TMEM87B: variants seen among roughly 807,000 people sequenced by gnomAD.
TMEM87B encodes transmembrane protein 87B.
In TMEM87B, 83 loss-of-function variants were observed where a neutral mutation model predicts 80.3. The observed-to-expected ratio is 1.03, with a 90% confidence interval of 0.87 to 1.24. The LOEUF is 1.24. Among genes scored for constraint, TMEM87B ranks in the 50% most tolerant of loss-of-function variants. The probability of loss-of-function intolerance (pLI) is 0.00; values close to 1 mark genes in which losing one functional copy is unlikely to be tolerated. For missense variants in TMEM87B, 625 were observed against 674.4 expected (o/e 0.93, Z 0.81); for synonymous variants, 219 against 230.5 (o/e 0.95, Z 0.45).
At chr2:112,077,360 T>G in intron 6 of TMEM87B, 78 bp downstream of exon 6, 1 of 665,460 alleles carries the variant, frequency 1.5e-6, no homozygotes, top group Non-Finnish European at 2.5e-6. Flanking sequence ...GAGTCAACAT[T>G]CTCTGTTTCA....
Position 112,106,948 on chromosome 2 carries a change from A to G in TMEM87B, c.1525-840A>G, listed in dbSNP as rs534309602. Among the ~76,000 whole-genome samples the G allele has an allele frequency of 4.6e-5, 7 of 152,344 alleles. No homozygotes were observed. In the East Asian group the frequency reaches 1.4e-3, roughly 29 times the overall value. On this transcript the variant is annotated intron_variant, in intron 16 of 18. Coordinates refer to ENST00000283206, the MANE Select transcript of TMEM87B (RefSeq NM_032824.3). ...ATAAAATAGATAGATAGGTAGTTAG[A>G]TAAGATAGACAGACATAGACAGATA...
intron 6 of TMEM87B, among the ~76,000 whole-genome samples, chr2:112,078,540 C>A (rs1334475272): frequency 1.3e-5 from 2 of 152,162 alleles, no homozygotes; most frequent in Non-Finnish European, 2.9e-5. Flanking sequence ...AATCACTTCC[C>A]AAAAGGCCTC....
chr2:112,082,231 T>G, intron 8 of TMEM87B, among the ~76,000 whole-genome samples: 1 of 152,186 alleles, frequency 6.6e-6, no homozygotes, highest in East Asian at 1.9e-4. Context: ...CAAATGATCT[T>G]GGTGCAGATC....
chr2:112,076,749 C>T (rs1678828777), intron 5 of TMEM87B, among the ~76,000 whole-genome samples: 1 of 152,026 alleles, frequency 6.6e-6, no homozygotes. Context: ...AGAAACGCTT[C>T]TTTCCTCCTT....
chr2:112,055,863 A>C (rs2104447899), intron 1 of TMEM87B, 107 bp downstream of exon 1: 1 of 1,342,894 alleles, frequency 7.4e-7, no homozygotes, highest in South Asian at 1.7e-5. Flanking sequence ...CCGGGTCAGC[A>C]CCGGGTCCCC....
At chr2:112,079,370 C>T (rs1192871478) in intron 6 of TMEM87B, among the ~76,000 whole-genome samples, 6 of 152,170 alleles carry the variant, frequency 3.9e-5, no homozygotes, top group Non-Finnish European at 7.3e-5. Context: ...CAGTATTTGT[C>T]TTTCTGTGCT....
chr2:112,082,785 T>C (rs989889191), intron 8 of TMEM87B, among the ~76,000 whole-genome samples: 3 of 152,132 alleles, frequency 2.0e-5, no homozygotes, highest in Non-Finnish European at 2.9e-5. Context: ...TTCTGATGCT[T>C]TGCTGTCAGT....
Position 112,095,170 on chromosome 2 carries a change from T to TTC in TMEM87B, c.1105-1873_1105-1872insCT. 1.1e-4 allele frequency: 9 copies of TTC among 79,126 alleles called. 1 individual carries two copies. Among genetic ancestry groups the TTC allele is most frequent in the Non-Finnish European group, 1.4e-4 (9 of 64,900 alleles). The allele number at this position is 79,126 out of a possible 1,614,324, so 4.9% of individuals were successfully genotyped here. ...CTCTTTTCTTTTCTTTCTTTCTTTT[T>TTC]TTTTTTTTTTTTTTTTTTTTTTTTT... On this transcript the variant is annotated intron_variant, in intron 11 of 18. Transcript: ENST00000283206.
At chr2:112,075,085 A>G in intron 5 of TMEM87B, 123 bp downstream of exon 5, 1 of 1,387,024 alleles carries the variant, frequency 7.2e-7, no homozygotes. Context: ...TGTGGAAGGA[A>G]AAGGAAACAT....
intron 5 of TMEM87B, among the ~76,000 whole-genome samples, chr2:112,075,316 C>G (rs537694416): frequency 2.0e-5 from 3 of 152,294 alleles, no homozygotes; most frequent in African/African-American, 7.2e-5. Flanking sequence ...ATGAGAATCA[C>G]TTGAACCTGG....
intron 4 of TMEM87B, among the ~76,000 whole-genome samples, chr2:112,068,730 A>G (rs1190970405): frequency 5.3e-5 from 8 of 152,156 alleles, no homozygotes; most frequent in South Asian, 2.1e-4. Context: ...AAAACTGAGC[A>G]CAACCATGTA....
chr2:112,110,125 A>G (rs1335911482), intron 17 of TMEM87B, among the ~76,000 whole-genome samples: 1 of 152,146 alleles, frequency 6.6e-6, no homozygotes, highest in African/African-American at 2.4e-5. Flanking sequence ...GGAAGGGATC[A>G]TCTGACCTTT....
chr2:112,065,885 C>CTGAATT (rs1302101171), intron 3 of TMEM87B, among the ~76,000 whole-genome samples: 3 of 152,096 alleles, frequency 2.0e-5, no homozygotes, highest in Non-Finnish European at 4.4e-5. Flanking sequence ...CAAAATGCCC[C>CTGAATT]TGAATTTGAA....
intron 1 of TMEM87B, 80 bp downstream of exon 1, chr2:112,055,836 T>G (rs958646890): frequency 5.7e-6 from 8 of 1,412,798 alleles, no homozygotes; most frequent in Non-Finnish European, 7.4e-6. Context: ...ACCCCGGGCT[T>G]GTTCACCCTG....
At chr2:112,105,672 T>C (rs919940025) in intron 15 of TMEM87B, among the ~76,000 whole-genome samples, 1 of 152,210 alleles carries the variant, frequency 6.6e-6, no homozygotes, top group Non-Finnish European at 1.5e-5. Context: ...GTACCATGAA[T>C]CCTGAAGATT....
chr2:112,112,128 C>T (rs1252539925), intron 17 of TMEM87B, among the ~76,000 whole-genome samples: 1 of 152,178 alleles, frequency 6.6e-6, no homozygotes, highest in Non-Finnish European at 1.5e-5. Flanking sequence ...CATCCTCTGG[C>T]GTTGTGCGTG....
intron 17 of TMEM87B, among the ~76,000 whole-genome samples, chr2:112,108,923 T>C (rs1460083477): frequency 6.6e-6 from 1 of 152,240 alleles, no homozygotes; most frequent in Admixed American, 6.5e-5. Context: ...TTTATAATCC[T>C]ATCAGCAATA....
intron 5 of TMEM87B, among the ~76,000 whole-genome samples, chr2:112,075,475 A>G (rs763882924): frequency 3.3e-5 from 5 of 152,200 alleles, no homozygotes; most frequent in Non-Finnish European, 7.4e-5. Context: ...AATATCCTTA[A>G]AGCAATTTAA....
At position 112,055,321 on chromosome 2, in the gene TMEM87B, C is replaced by A; in HGVS notation, c.-271C>A. 2.1e-6 allele frequency: 1 copy of A among 483,868 alleles called. No homozygotes were observed. The highest frequency in any genetic ancestry group is 3.6e-6 in the Non-Finnish European group (1 of 276,262). The allele number at this position is 483,868 out of a possible 1,614,324, so 30.0% of individuals were successfully genotyped here. A position where few individuals can be genotyped will look rare whatever the true frequency, so the allele number is the denominator to read the frequency against. On this transcript the variant is annotated 5_prime_UTR_variant, in exon 1 of 19. Coordinates refer to ENST00000283206, the MANE Select transcript of TMEM87B (RefSeq NM_032824.3). The stretch of plus-strand genomic sequence containing the variant: ...CCCAGCCTCCACGTCTCGCCGCCAA[C>A]TCCACATCCTGGCTCCTATCTCTGC...
Sources: gnomAD v4.1 joint callset for allele counts (sites outside exome capture counted in the v4.1 genomes callset) on GRCh38, gnomAD v4.1.1 for gene constraint, MANE v1.5 for transcripts, NCBI Gene and HGNC (gene_info 2026-07-23, HGNC 2026-07-21) for gene names.